Variants in PLCL1 observed in about 807,000 individuals in gnomAD.
PLCL1 encodes inactive phospholipase C-like protein 1.
PLCL1 carries 41 observed loss-of-function variants against 84.4 expected under a neutral mutation model. The ratio of observed to expected loss-of-function variants is 0.49; its 90% CI spans 0.38 to 0.63. PLCL1 has a LOEUF of 0.63. PLCL1 is among the 30% of genes least tolerant of loss of function. The pLI is 0.00. For synonymous variants in PLCL1, 490 were observed against 488.3 expected (o/e 1.00, Z -0.05); for missense variants, 1,206 against 1,367.8 (o/e 0.88, Z 1.87).
At chr2:198,047,761 G>T (rs193218449) in intron 1 of PLCL1, among the ~76,000 whole-genome samples, 36 of 152,258 alleles carry the variant, frequency 2.4e-4, no homozygotes, top group Non-Finnish European at 4.3e-4. Flanking sequence ...ATGATACATT[G>T]GTAACTTGTA....
intron 1 of PLCL1, among the ~76,000 whole-genome samples, chr2:197,965,122 A>G (rs887307453): frequency 4.6e-5 from 7 of 152,076 alleles, no homozygotes; most frequent in African/African-American, 1.4e-4. Context: ...GCATAGTTTG[A>G]GTAGGAGTAG....
At chr2:197,868,376 T>A (rs1177423778) in intron 1 of PLCL1, among the ~76,000 whole-genome samples, 1 of 152,204 alleles carries the variant, frequency 6.6e-6, no homozygotes, top group Non-Finnish European at 1.5e-5. Flanking sequence ...GGAAGCTGAA[T>A]TGGCTCGTGA....
chr2:198,051,795 C>T (rs1691938038), intron 1 of PLCL1, among the ~76,000 whole-genome samples: 2 of 152,102 alleles, frequency 1.3e-5, no homozygotes, highest in African/African-American at 4.8e-5. Flanking sequence ...AGTGCAGTGG[C>T]GCGATCTCGG....
At chr2:197,939,619 G>C (rs1032150949) in intron 1 of PLCL1, among the ~76,000 whole-genome samples, 11 of 151,686 alleles carry the variant, frequency 7.3e-5, no homozygotes, top group African/African-American at 2.7e-4. Flanking sequence ...AGTCTTATTA[G>C]AGTAGGGCCA....
At chr2:197,908,801 A>T (rs1045410434) in intron 1 of PLCL1, among the ~76,000 whole-genome samples, 1 of 152,082 alleles carries the variant, frequency 6.6e-6, no homozygotes, top group African/African-American at 2.4e-5. Flanking sequence ...TTTCTTTTAT[A>T]CTCCATTATA....
intron 1 of PLCL1, among the ~76,000 whole-genome samples, chr2:198,018,095 G>A (rs971452778): frequency 1.3e-5 from 2 of 152,148 alleles, no homozygotes; most frequent in African/African-American, 4.8e-5. Context: ...GCAGAAGCAG[G>A]GTGGGGCATT....
At position 197,920,136 on chromosome 2, in the gene PLCL1, T is replaced by C. The variant is rs571018615; in HGVS notation, c.240+114797T>C. On this transcript the variant is annotated intron_variant, in intron 1 of 5. Transcript: ENST00000428675. Reference sequence around the variant, plus strand: ...CTTTTTGACTCTGCAACTCAAAATTTATCAGTGGTCCGTCAAATTAAACTT... The same window carrying C: ...CTTTTTGACTCTGCAACTCAAAATTCATCAGTGGTCCGTCAAATTAAACTT... Among the ~76,000 whole-genome samples the C allele has an allele frequency of 2.4e-4, 36 of 152,276 alleles. No individual in the cohort carries two copies. In the South Asian group the frequency reaches 7.0e-3, roughly 30 times the overall value.
At chr2:197,992,555 T>C (rs981150149) in intron 1 of PLCL1, among the ~76,000 whole-genome samples, 14 of 152,160 alleles carry the variant, frequency 9.2e-5, no homozygotes, top group African/African-American at 3.1e-4. Flanking sequence ...TGAGCCACCA[T>C]GCCTGGCAAT....
chr2:197,948,587 G>A (rs1689328325), intron 1 of PLCL1, among the ~76,000 whole-genome samples: 1 of 151,972 alleles, frequency 6.6e-6, no homozygotes, highest in Non-Finnish European at 1.5e-5. Flanking sequence ...AATCAGAGTA[G>A]GAACTTTCTA....
chr2:197,872,351 C>G (rs1000784119), intron 1 of PLCL1, among the ~76,000 whole-genome samples: 3 of 152,106 alleles, frequency 2.0e-5, no homozygotes, highest in African/African-American at 7.2e-5. Context: ...GCATTTAGGG[C>G]CTTGAATCTC....
rs143520290 is a variant in PLCL1, at chr2:197,886,805, T to C, written c.240+81466T>C. Among the ~76,000 whole-genome samples, 348 of 152,278 alleles carry C rather than the reference T, an allele frequency of 2.3e-3. 1 individual carries two copies. The highest frequency in any genetic ancestry group is 7.9e-3 in the African/African-American group (327 of 41,562). On this transcript the variant is annotated intron_variant, in intron 1 of 5. Coordinates refer to ENST00000428675, the MANE Select transcript of PLCL1 (RefSeq NM_006226.4). ...CTTCAATCCATCATAAAGTTTTCTTTTGAGGAATTATGCTTACTGGGTTTA... is the reference window on the plus strand; with the variant it reads ...CTTCAATCCATCATAAAGTTTTCTTCTGAGGAATTATGCTTACTGGGTTTA...
intron 1 of PLCL1, among the ~76,000 whole-genome samples, chr2:198,054,445 A>G (rs980725205): frequency 6.6e-6 from 1 of 152,236 alleles, no homozygotes; most frequent in Non-Finnish European, 1.5e-5. Context: ...AAGTCTTAAC[A>G]AAATTCAGAG....
chr2:198,023,096 A>C (rs577511109), intron 1 of PLCL1, among the ~76,000 whole-genome samples: 83 of 152,328 alleles, frequency 5.4e-4, no homozygotes, highest in African/African-American at 1.7e-3. Context: ...ATAACACCAC[A>C]CATCTACAAC....
At chr2:197,849,124 C>T (rs1007491338) in intron 1 of PLCL1, among the ~76,000 whole-genome samples, 1 of 152,188 alleles carries the variant, frequency 6.6e-6, no homozygotes, top group African/African-American at 2.4e-5. Flanking sequence ...GACATACCAT[C>T]TTCCCTGCCT....
chr2:197,845,000 C>A (rs967466401), intron 1 of PLCL1, among the ~76,000 whole-genome samples: 1 of 152,056 alleles, frequency 6.6e-6, no homozygotes, highest in South Asian at 2.1e-4. Flanking sequence ...ATATTAGTAT[C>A]TTATCCAGTT....
At chr2:198,106,737 G>T (rs1046497555) in intron 5 of PLCL1, among the ~76,000 whole-genome samples, 2 of 151,874 alleles carry the variant, frequency 1.3e-5, no homozygotes, top group African/African-American at 4.8e-5. Flanking sequence ...CAGCACTCAA[G>T]GCTAGGTACT....
intron 5 of PLCL1, among the ~76,000 whole-genome samples, chr2:198,114,836 T>TAAATATATACACAC (rs1693703632): frequency 6.6e-6 from 1 of 151,710 alleles, no homozygotes; most frequent in Admixed American, 6.6e-5. Flanking sequence ...TATATACATA[T>TAAATATATACACAC]ACATATATAC....
intron 1 of PLCL1, among the ~76,000 whole-genome samples, chr2:197,871,292 A>T (rs1032933523): frequency 2.0e-5 from 3 of 152,054 alleles, no homozygotes; most frequent in Non-Finnish European, 4.4e-5. Context: ...TCTTCCCTAC[A>T]TCCCTGGCTT....
Position 197,810,911 on chromosome 2 carries a change from A to G in PLCL1, c.240+5572A>G, listed in dbSNP as rs189548360. 3.3e-3 allele frequency among the ~76,000 whole-genome samples: 492 copies of G among 150,036 alleles called. 1 individual carries two copies. Among genetic ancestry groups the G allele is most frequent in the Non-Finnish European group, 5.7e-3 (383 of 66,666 alleles). ...GACTTTAGATGACCAGACAGAGCTAAGAGGCAGGATCTCAGCAACAGTAAA... is the reference window on the plus strand; with the variant it reads ...GACTTTAGATGACCAGACAGAGCTAGGAGGCAGGATCTCAGCAACAGTAAA... On this transcript the variant is annotated intron_variant, in intron 1 of 5. Coordinates refer to ENST00000428675, the MANE Select transcript of PLCL1 (RefSeq NM_006226.4).
Sources: allele counts gnomAD v4.1 joint callset (sites outside exome capture counted in the v4.1 genomes callset), GRCh38; gene constraint gnomAD v4.1.1; transcripts MANE v1.5; gene names NCBI Gene and HGNC (gene_info 2026-07-23, HGNC 2026-07-21).